Variants in SLC22A24 observed in about 807,000 individuals in gnomAD.
SLC22A24 encodes steroid transmembrane transporter SLC22A24.
In SLC22A24, 53 loss-of-function variants were observed where a neutral mutation model predicts 49.8. That is an observed-to-expected ratio of 1.06 (90% CI 0.85 to 1.34). SLC22A24 has a LOEUF of 1.34. Among genes scored for constraint, SLC22A24 ranks in the 40% most tolerant of loss-of-function variants. SLC22A24 has a pLI of 0.00. For synonymous variants in SLC22A24, 302 were observed against 256.4 expected, an observed-to-expected ratio of 1.18 and a Z score of -1.70; for missense variants, 786 against 675.9, an observed-to-expected ratio of 1.16 and a Z score of -1.81.
intron 4 of SLC22A24, among the ~76,000 whole-genome samples, chr11:63,111,770 A>G (rs866897067): frequency 1.3e-5 from 2 of 152,106 alleles, no homozygotes; most frequent in East Asian, 1.9e-4. Context: ...CTAGTGGTCT[A>G]TCAATTTTGT....
At position 63,083,282 on chromosome 11, in the gene SLC22A24, C is replaced by T. The variant is rs1245709738; in HGVS notation, c.1246G>A (p.Val416Met). The change falls in exon 7 of 10, where the codon GTG (valine) becomes ATG (methionine). Residue 416 changes from valine to methionine, a missense_variant. Physicochemically the swap from Val to Met is conservative, Grantham distance 21. Transcript: ENST00000612278. ...RISQILFTFPVGLFILVNTFL... is the reference protein window; with the variant it reads ...RISQILFTFPMGLFILVNTFL... Reference sequence around the variant, plus strand: ...GTGTTGACCAGAATGAAAAGTCCCACCGGGAACGTGAACAATATCTGGCTT... The same window carrying T: ...GTGTTGACCAGAATGAAAAGTCCCATCGGGAACGTGAACAATATCTGGCTT... 3 of 1,561,116 alleles carry T rather than the reference C, an allele frequency of 1.9e-6. No homozygotes were observed. The highest frequency in any genetic ancestry group is 2.7e-5 in the African/African-American group (2 of 73,730).
intron 2 of SLC22A24, among the ~76,000 whole-genome samples, chr11:63,127,149 C>T (rs748690975): frequency 6.6e-6 from 1 of 152,104 alleles, no homozygotes; most frequent in Non-Finnish European, 1.5e-5. Context: ...CCCTGACAGG[C>T]CCTGGTATGT....
At chr11:63,110,262 A>C (rs2087153216) in intron 4 of SLC22A24, among the ~76,000 whole-genome samples, 1 of 152,068 alleles carries the variant, frequency 6.6e-6, no homozygotes, top group Non-Finnish European at 1.5e-5. Context: ...CTTGTAGTAT[A>C]GTTTGAAGTC....
intron 4 of SLC22A24, among the ~76,000 whole-genome samples, chr11:63,112,270 C>G (rs1451088364): frequency 3.3e-5 from 5 of 152,044 alleles, no homozygotes; most frequent in Non-Finnish European, 7.4e-5. Context: ...TTACTTCCAA[C>G]TATGTGGTCA....
chr11:63,083,219 T>C (rs1449469565), intron 7 of SLC22A24, 24 bp downstream of exon 7: 2 of 1,538,372 alleles, frequency 1.3e-6, no homozygotes, highest in African/African-American at 1.4e-5. Context: ...CTACTTTCTT[T>C]CCTGAAACTC....
chr11:63,094,680 G>A (rs1461114729), intron 6 of SLC22A24, among the ~76,000 whole-genome samples: 1 of 152,138 alleles, frequency 6.6e-6, no homozygotes, highest in Non-Finnish European at 1.5e-5. Context: ...ATTCTAACTG[G>A]TGTGAGATGG....
chr11:63,127,215 G>T (rs1053194702), intron 2 of SLC22A24, among the ~76,000 whole-genome samples: 1 of 152,090 alleles, frequency 6.6e-6, no homozygotes, highest in East Asian at 1.9e-4. Context: ...ACCTATAAGT[G>T]AGAACATGTG....
At chr11:63,096,187 A>T in intron 5 of SLC22A24, 81 bp from the exon 6 acceptor site, 1 of 883,160 alleles carries the variant, frequency 1.1e-6, no homozygotes, top group Non-Finnish European at 1.8e-6. Context: ...AGAGAACAAG[A>T]TAGACATATT....
intron 6 of SLC22A24, 105 bp from the exon 7 acceptor site, chr11:63,083,562 C>A: frequency 1.1e-6 from 1 of 884,592 alleles, no homozygotes; most frequent in Non-Finnish European, 1.7e-6. Flanking sequence ...ATAATATTGA[C>A]CCAATTGGCA....
intron 5 of SLC22A24, among the ~76,000 whole-genome samples, chr11:63,102,803 C>T (rs570584170): frequency 6.6e-6 from 1 of 152,268 alleles, no homozygotes; most frequent in South Asian, 2.1e-4. Context: ...CAAGGAACTT[C>T]TAACGTTTGC....
At chr11:63,131,223 CTT>C (rs1417306646) in intron 2 of SLC22A24, among the ~76,000 whole-genome samples, 4 of 152,068 alleles carry the variant, frequency 2.6e-5, no homozygotes, top group Non-Finnish European at 2.9e-5. Context: ...AGTCTTGACT[CTT>C]TATCCAATTT....
At chr11:63,141,414 C>T (rs573094279) in intron 1 of SLC22A24, among the ~76,000 whole-genome samples, 36 of 152,238 alleles carry the variant, frequency 2.4e-4, no homozygotes, top group South Asian at 4.2e-4. Flanking sequence ...CCCCCTCCAT[C>T]GGAGTAAAGG....
chr11:63,094,774 G>A (rs990837918), intron 6 of SLC22A24, among the ~76,000 whole-genome samples: 68 of 152,308 alleles, frequency 4.5e-4, no homozygotes, highest in African/African-American at 1.5e-3. Flanking sequence ...CTGCATAAAT[G>A]TCTTCTTTTG....
chr11:63,082,292 T>C (rs1301789921), intron 7 of SLC22A24, among the ~76,000 whole-genome samples: 1 of 152,148 alleles, frequency 6.6e-6, no homozygotes, highest in Non-Finnish European at 1.5e-5. Flanking sequence ...CTAACTCCTA[T>C]TTGGAAATAA....
intron 6 of SLC22A24, among the ~76,000 whole-genome samples, chr11:63,085,290 C>G (rs901546521): frequency 6.6e-6 from 1 of 151,900 alleles, no homozygotes; most frequent in Non-Finnish European, 1.5e-5. Flanking sequence ...GATGATAAAA[C>G]AAAAAACCTG....
intron 4 of SLC22A24, among the ~76,000 whole-genome samples, chr11:63,114,830 T>A (rs1193949205): frequency 6.6e-6 from 1 of 152,240 alleles, no homozygotes; most frequent in South Asian, 2.1e-4. Flanking sequence ...GCTGCAGGTC[T>A]GTTGGAGTTT....
chr11:63,110,334 CT>C (rs1397801532), intron 4 of SLC22A24, among the ~76,000 whole-genome samples: 2 of 152,234 alleles, frequency 1.3e-5, no homozygotes, highest in South Asian at 2.1e-4. Context: ...AATGCGGGCT[CT>C]TTTTTGGTTC....
chr11:63,087,725 A>T (rs2086995934), intron 6 of SLC22A24, among the ~76,000 whole-genome samples: 1 of 152,124 alleles, frequency 6.6e-6, no homozygotes, highest in Non-Finnish European at 1.5e-5. Context: ...GCCTGGGACG[A>T]TGGAGCTTGG....
chr11:63,092,624 A>T (rs2087027921), intron 6 of SLC22A24, among the ~76,000 whole-genome samples: 1 of 147,144 alleles, frequency 6.8e-6, no homozygotes. Context: ...TGTGCTGGGA[A>T]AACTGGCTAT....
Sources: gnomAD v4.1 joint callset for allele counts (sites outside exome capture counted in the v4.1 genomes callset) on GRCh38, gnomAD v4.1.1 for gene constraint, MANE v1.5 for transcripts, NCBI Gene and HGNC (gene_info 2026-07-23, HGNC 2026-07-21) for gene names.